The following ZNF562 variants were observed in gnomAD, a reference collection of about 807,000 sequenced individuals.
ZNF562 encodes the protein zinc finger protein 562.
In ZNF562, 13 loss-of-function variants were observed where a neutral mutation model predicts 17.5. The observed-to-expected ratio is 0.74, with a 90% confidence interval of 0.48 to 1.18. The LOEUF is 1.18. Ranked by LOEUF, ZNF562 falls within the 50% of genes most tolerant of loss-of-function variation. ZNF562 has a pLI of 0.00. For synonymous variants in ZNF562, 163 were observed against 165.4 expected (o/e 0.99, Z 0.11); for missense variants, 481 against 498.5 (o/e 0.96, Z 0.33).
chr19:9,670,307 T>G (rs755583054), intron 1 of ZNF562, among the ~76,000 whole-genome samples: 2 of 152,096 alleles, frequency 1.3e-5, no homozygotes, highest in Non-Finnish European at 2.9e-5. Flanking sequence ...AACTACCATA[T>G]GATCTGGAAT....
intron 5 of ZNF562, among the ~76,000 whole-genome samples, chr19:9,655,556 T>G (rs2043437162): frequency 6.6e-6 from 1 of 151,940 alleles, no homozygotes; most frequent in African/African-American, 2.4e-5. Context: ...CCCATGTAAC[T>G]GGGATTACAG....
Position 9,649,073 on chromosome 19 carries a change from C to T in ZNF562, c.*3876G>A, listed in dbSNP as rs1177554161. The T allele has an allele frequency of 3.3e-5, 5 of 152,240 alleles. No homozygotes were observed. Among genetic ancestry groups the T allele is most frequent in the African/African-American group, 1.2e-4 (5 of 41,458 alleles). 9.4% of individuals were successfully genotyped at this position (152,240 alleles called of 1,614,324 possible). A position where few individuals can be genotyped will look rare whatever the true frequency, so the allele number is the denominator to read the frequency against. ...AGAAAAACATGGATTGTGAAGGTTT[C>T]ATGGACATTTATTAGTTCCCCAAAT... On this transcript the variant is annotated 3_prime_UTR_variant, in exon 6 of 6. Transcript: ENST00000453372.
intron 4 of ZNF562, among the ~76,000 whole-genome samples, chr19:9,657,052 G>C (rs1599280116): frequency 1.4e-5 from 2 of 142,592 alleles, no homozygotes; most frequent in South Asian, 4.5e-4. Flanking sequence ...AAAAAAAAAA[G>C]AAAAAAGAAA....
In ZNF562 at chr19:9,648,340, T is replaced by A. The variant is rs2074823635; in HGVS notation, c.*4609A>T. The A allele has an allele frequency of 6.6e-6, 1 of 152,208 alleles. No homozygotes were observed. Among genetic ancestry groups the A allele is most frequent in the African/African-American group, 2.4e-5 (1 of 41,450 alleles). 9.4% of individuals were successfully genotyped at this position (152,208 alleles called of 1,614,324 possible). A position where few individuals can be genotyped will look rare whatever the true frequency, so the allele number is the denominator to read the frequency against. On this transcript the variant is annotated 3_prime_UTR_variant, in exon 6 of 6. Transcript: ENST00000453372. ...TTATTTTTGACAGAGTCGCACCCTG[T>A]CACCCAGCATGGAGTGCAGTGGTGC...
chr19:9,669,737 C>CGG (rs2044101320), intron 1 of ZNF562, among the ~76,000 whole-genome samples: 2 of 87,188 alleles, frequency 2.3e-5, no homozygotes, highest in Non-Finnish European at 4.8e-5. Context: ...CGCGCGCGCA[C>CGG]ACACACACAC....
chr19:9,668,435 A>T (rs189938527), intron 1 of ZNF562, among the ~76,000 whole-genome samples: 1 of 152,246 alleles, frequency 6.6e-6, no homozygotes, highest in Admixed American at 6.5e-5. Flanking sequence ...TACAAGGAAA[A>T]CTATAAAACA....
At position 9,653,476 on chromosome 19, in the gene ZNF562, CTACACACTGCTT is replaced by C. The variant is rs1044679420; in HGVS notation, c.742_753del (p.Lys248_Val251del). The C allele has an allele frequency of 1.9e-6, 3 of 1,614,094 alleles. No individual in the cohort carries two copies. Among genetic ancestry groups the C allele is most frequent in the Non-Finnish European group, 2.5e-6 (3 of 1,180,042 alleles). On this transcript the variant is annotated inframe_deletion, in exon 6 of 6. Coordinates refer to ENST00000453372, the MANE Select transcript of ZNF562 (RefSeq NM_001130031.2). ...TCGGATTTCTTTCCAGTATGAACTG[CTACACACTGCTT>C]TAAGTGTGAGGAAGTTGTGATGGCT...
At chr19:9,673,857 A>T (rs1408525514) in intron 1 of ZNF562, among the ~76,000 whole-genome samples, 1 of 152,016 alleles carries the variant, frequency 6.6e-6, no homozygotes, top group Non-Finnish European at 1.5e-5. Flanking sequence ...AATATAAAAA[A>T]TTAGCCAGGT....
At chr19:9,664,107 T>G (rs1007434436) in intron 1 of ZNF562, among the ~76,000 whole-genome samples, 5 of 151,956 alleles carry the variant, frequency 3.3e-5, no homozygotes, top group Non-Finnish European at 7.4e-5. Flanking sequence ...TCACTCTTGT[T>G]GTCCAGCCAG....
rs1252370256 is a variant in ZNF562 at position 9,670,059 on chromosome 19, CTCAAAAAA to C, written c.-131+4948_-131+4955del. Reference sequence around the variant, plus strand: ...CCTGAGTGACAGAGTGAGACTCTGTCTCAAAAAATCAAAGAAACAAACAAAAAAACTTA... The same window carrying C: ...CCTGAGTGACAGAGTGAGACTCTGTCTCAAAGAAACAAACAAAAAAACTTA... On this transcript the variant is annotated intron_variant, in intron 1 of 5. Coordinates refer to ENST00000453372, the MANE Select transcript of ZNF562 (RefSeq NM_001130031.2). Among the ~76,000 whole-genome samples, 6 of 151,978 alleles carry C rather than the reference CTCAAAAAA, an allele frequency of 3.9e-5. No individual in the cohort carries two copies. In the East Asian group the frequency reaches 1.2e-3, roughly 29 times the overall value.
Position 9,648,138 on chromosome 19 carries a change from C to G in ZNF562, c.*4811G>C, listed in dbSNP as rs1183901610. 6.6e-6 allele frequency: 1 copy of G among 151,972 alleles called. No homozygotes were observed. The highest frequency in any genetic ancestry group is 1.5e-5 in the Non-Finnish European group (1 of 68,020). 9.4% of individuals were successfully genotyped at this position (151,972 alleles called of 1,614,324 possible). ...ATTATATACAAATATCATTAAGGGA[C>G]AATTTTTTAAAAATCACAATGTTAT... On this transcript the variant is annotated 3_prime_UTR_variant, in exon 6 of 6. Coordinates refer to ENST00000453372, the MANE Select transcript of ZNF562 (RefSeq NM_001130031.2).
At position 9,656,427 on chromosome 19, in the gene ZNF562, T is replaced by A; in HGVS notation, c.348+120A>T. ...GGGAGGCTGAGGCAAGAGAATCGCT[T>A]GAACCTGGGAGTTGGAGGTTGCGGT... On this transcript the variant is annotated intron_variant, in intron 5 of 5. Coordinates refer to ENST00000453372, the MANE Select transcript of ZNF562 (RefSeq NM_001130031.2). 2 of 1,068,388 alleles carry A rather than the reference T, an allele frequency of 1.9e-6. 1 individual carries two copies. The highest frequency in any genetic ancestry group is 2.7e-5 in the South Asian group (2 of 73,030). 66.2% of individuals were successfully genotyped at this position (1,068,388 alleles called of 1,614,324 possible).
At chr19:9,661,709 C>T (rs976728649) in intron 1 of ZNF562, among the ~76,000 whole-genome samples, 3 of 152,198 alleles carry the variant, frequency 2.0e-5, no homozygotes, top group Middle Eastern at 3.4e-3. Context: ...GAAGGAGAAT[C>T]GCTTGACCCC....
At chr19:9,660,340 G>A (rs2043689448) in intron 2 of ZNF562, among the ~76,000 whole-genome samples, 1 of 151,796 alleles carries the variant, frequency 6.6e-6, no homozygotes, top group Admixed American at 6.6e-5. Flanking sequence ...TAAAGAACTA[G>A]CAGCAGCCAG....
At chr19:9,673,031 T>A (rs940285719) in intron 1 of ZNF562, among the ~76,000 whole-genome samples, 4 of 152,142 alleles carry the variant, frequency 2.6e-5, no homozygotes, top group Admixed American at 2.0e-4. Context: ...CTCTAGTTAC[T>A]GTAAACAACC....
At chr19:9,673,891 C>T (rs555616131) in intron 1 of ZNF562, among the ~76,000 whole-genome samples, 1 of 152,188 alleles carries the variant, frequency 6.6e-6, no homozygotes, top group African/African-American at 2.4e-5. Context: ...CCTGGAATCC[C>T]AGCTACTCGG....
intron 1 of ZNF562, among the ~76,000 whole-genome samples, chr19:9,663,187 C>T (rs983341465): frequency 2.7e-5 from 4 of 148,626 alleles, no homozygotes; most frequent in South Asian, 2.1e-4. Flanking sequence ...GGGTGGGTCA[C>T]GAGGTCAGGA....
chr19:9,662,760 G>A (rs2043801291), intron 1 of ZNF562, among the ~76,000 whole-genome samples: 2 of 150,962 alleles, frequency 1.3e-5, no homozygotes, highest in Non-Finnish European at 3.0e-5. Flanking sequence ...GGCGGCTGTA[G>A]TCCCAGCTAC....
At chr19:9,659,609 C>T (rs2043646427) in intron 2 of ZNF562, 142 bp from the exon 3 acceptor site, 15 of 1,078,584 alleles carry the variant, frequency 1.4e-5, no homozygotes, top group Non-Finnish European at 1.7e-5. Context: ...CATGAAATGC[C>T]GTAGTAGTCC....
Sources: gnomAD v4.1 joint callset for allele counts (sites outside exome capture counted in the v4.1 genomes callset) on GRCh38, gnomAD v4.1.1 for gene constraint, MANE v1.5 for transcripts, NCBI Gene and HGNC (gene_info 2026-07-23, HGNC 2026-07-21) for gene names.